DGKH: variants seen among roughly 807,000 people sequenced by gnomAD.
DGKH encodes the protein diacylglycerol kinase eta.
DGKH carries 90 observed loss-of-function variants against 159.3 expected under a neutral mutation model. The observed-to-expected ratio is 0.57, with a 90% CI of 0.48 to 0.67. The LOEUF is 0.67. DGKH is among the 30% of genes least tolerant of loss of function. The pLI, the probability that DGKH is intolerant of heterozygous loss-of-function variation, is 0.00. For synonymous variants in DGKH, 536 were observed against 553.8 expected (o/e 0.97, Z 0.45); for missense variants, 1,181 against 1,506.1 (o/e 0.78, Z 3.57).
Position 42,241,429 on chromosome 13 carries a change from C to T in DGKH, c.*12241C>T, listed in dbSNP as rs1408627107. On this transcript the variant is annotated 3_prime_UTR_variant, in exon 30 of 30. Coordinates refer to ENST00000337343, the MANE Select transcript of DGKH (RefSeq NM_178009.5). The stretch of plus-strand genomic sequence containing the variant: ...AGAGGTAATCCCATTTTTATGTCCA[C>T]AATTTTTACATTTTTGTATCAGCCA... 1 of 152,176 alleles carries T rather than the reference C, an allele frequency of 6.6e-6. No individual in the cohort carries two copies. Among genetic ancestry groups the T allele is most frequent in the Non-Finnish European group, 1.5e-5 (1 of 68,014 alleles). The allele number at this position is 152,176 out of a possible 1,614,324, so 9.4% of individuals were successfully genotyped here.
chr13:42,078,911 T>C (rs1022933765), intron 1 of DGKH, among the ~76,000 whole-genome samples: 10 of 125,012 alleles, frequency 8.0e-5, no homozygotes, highest in African/African-American at 3.5e-4. Flanking sequence ...ATATTCTCCT[T>C]TTTTTTTTTT....
At chr13:42,187,261 A>T in intron 14 of DGKH, 113 bp downstream of exon 14, 1 of 850,400 alleles carries the variant, frequency 1.2e-6, no homozygotes, top group Admixed American at 2.3e-5. Flanking sequence ...TCTTAAATCG[A>T]GAGAAAAATT....
chr13:42,233,729 T>C lies in DGKH; in HGVS notation c.*4541T>C, dbSNP rs1319571875. On this transcript the variant is annotated 3_prime_UTR_variant, in exon 30 of 30. Transcript: ENST00000337343. ...CCACCTCTAAGTCACTAACAATCCA[T>C]GTTTGTTCAGTTTGTTGACATGTGG... is the stretch of plus-strand genomic sequence containing the variant. 1 of 152,256 alleles carries C rather than the reference T, an allele frequency of 6.6e-6. No individual in the cohort carries two copies. Among genetic ancestry groups the C allele is most frequent in the Non-Finnish European group, 1.5e-5 (1 of 68,054 alleles). 9.4% of individuals were successfully genotyped at this position (152,256 alleles called of 1,614,324 possible).
downstream of DGKH, among the ~76,000 whole-genome samples, chr13:42,246,197 C>CATTTT (rs1403630768): frequency 6.6e-6 from 1 of 152,178 alleles, no homozygotes; most frequent in East Asian, 1.9e-4. Flanking sequence ...ACCACCAGTA[C>CATTTT]GTTCACAAAA....
intron 7 of DGKH, among the ~76,000 whole-genome samples, chr13:42,160,649 T>C (rs914345801): frequency 3.3e-5 from 5 of 152,274 alleles, no homozygotes; most frequent in African/African-American, 9.6e-5. Context: ...GGAGATCATG[T>C]AGACAGTGGC....
rs567598409 is a variant in DGKH, at chr13:42,219,937, C to G, written c.3442+143C>G. ...ATGATGAACATACTGTCATTGAATTCTATGCTTTAAAATGGTTAAAATGGG... is the reference window on the plus strand; with the variant it reads ...ATGATGAACATACTGTCATTGAATTGTATGCTTTAAAATGGTTAAAATGGG... On this transcript the variant is annotated intron_variant, in intron 28 of 29. Coordinates refer to ENST00000337343, the MANE Select transcript of DGKH (RefSeq NM_178009.5). 3.2e-5 allele frequency: 21 copies of G among 663,268 alleles called. No individual in the cohort carries two copies. In the East Asian group the frequency reaches 5.9e-4, roughly 19 times the overall value. The allele number at this position is 663,268 out of a possible 1,614,324, so 41.1% of individuals were successfully genotyped here.
intron 4 of DGKH, 130 bp downstream of exon 4, chr13:42,155,525 A>G (rs1301536098): frequency 6.5e-7 from 1 of 1,531,432 alleles, no homozygotes; most frequent in Non-Finnish European, 8.9e-7. Context: ...AGATTTTGAA[A>G]TTCTTATCTT....
chr13:42,197,788 A>G (rs1475944967), intron 17 of DGKH, among the ~76,000 whole-genome samples: 1 of 152,170 alleles, frequency 6.6e-6, no homozygotes, highest in Admixed American at 6.5e-5. Flanking sequence ...GGTTCCTATT[A>G]GTTTGTCTCC....
At chr13:42,159,109 A>G (rs1956111883) in intron 5 of DGKH, among the ~76,000 whole-genome samples, 157 bp from the exon 6 acceptor site, 1 of 152,162 alleles carries the variant, frequency 6.6e-6, no homozygotes, top group African/African-American at 2.4e-5. Flanking sequence ...GAATACCATT[A>G]CTATTGTTGC....
chr13:42,090,140 G>T (rs1954389094), intron 1 of DGKH, among the ~76,000 whole-genome samples: 1 of 152,116 alleles, frequency 6.6e-6, no homozygotes. Flanking sequence ...TGATTTTGTG[G>T]AGCAACAGTC....
chr13:42,170,389 G>A (rs1859271606), intron 11 of DGKH, among the ~76,000 whole-genome samples: 3 of 151,812 alleles, frequency 2.0e-5, no homozygotes, highest in African/African-American at 7.3e-5. Flanking sequence ...CTACAATCTG[G>A]GCGACAGAGT....
At chr13:42,041,854 C>A (rs1880528080) in intron 1 of DGKH, among the ~76,000 whole-genome samples, 1 of 152,216 alleles carries the variant, frequency 6.6e-6, no homozygotes, top group African/African-American at 2.4e-5. Context: ...CACCCATGTT[C>A]CGGTCAACGT....
At chr13:42,170,526 TCAAAACAAAA>T (rs1375088701) in intron 11 of DGKH, among the ~76,000 whole-genome samples, 1 of 151,930 alleles carries the variant, frequency 6.6e-6, no homozygotes, top group South Asian at 2.1e-4. Context: ...ATATGCAAAA[TCAAAACAAAA>T]CAAAAGAAAA....
At chr13:42,079,576 G>A (rs1009507588) in intron 1 of DGKH, among the ~76,000 whole-genome samples, 5 of 152,010 alleles carry the variant, frequency 3.3e-5, no homozygotes, top group African/African-American at 1.2e-4. Context: ...TGGTCAGTGG[G>A]TTTTTTTGCT....
At chr13:42,221,607 A>C (rs1169332394) in intron 29 of DGKH, among the ~76,000 whole-genome samples, 2 of 152,182 alleles carry the variant, frequency 1.3e-5, no homozygotes, top group Non-Finnish European at 2.9e-5. Context: ...ATTATAGCTA[A>C]AGCTTAGCAT....
In DGKH at chr13:42,174,107, T is replaced by C; in HGVS notation, c.1415T>C (p.Leu472Pro). Residue 472 changes from leucine (L) to proline (P), a missense_variant, in exon 12 of 30, where the codon CTA (leucine) becomes CCA (proline). Physicochemically the swap from Leu to Pro is moderately conservative, Grantham distance 98. Transcript: ENST00000337343. ...CTCAAATTGCCACCAAAAGCTTCCC[T>C]ACTTCCAGGACCTCCAGAAGCATCT... is the stretch of plus-strand genomic sequence containing the variant. Reference protein sequence around the residue: ...YELKLPPKASLLPGPPEASEE... With the variant: ...YELKLPPKASPLPGPPEASEE... 6.2e-7 allele frequency: 1 copy of C among 1,613,912 alleles called. No homozygotes were observed. Among genetic ancestry groups the C allele is most frequent in the Non-Finnish European group, 8.5e-7 (1 of 1,179,990 alleles).
At chr13:42,069,805 T>C (rs1050853501) in intron 1 of DGKH, 5 of 1,055,810 alleles carry the variant, frequency 4.7e-6, no homozygotes, top group African/African-American at 3.2e-5. Context: ...GTTTTCATGA[T>C]GATCTGGGTA....
At chr13:42,184,283 G>A (rs750151676) in intron 13 of DGKH, among the ~76,000 whole-genome samples, 14 of 152,080 alleles carry the variant, frequency 9.2e-5, no homozygotes, top group Non-Finnish European at 1.9e-4. Context: ...TTCTGTCTGG[G>A]TACCATTGCC....
chr13:42,050,727 C>T (rs944980181), intron 1 of DGKH, among the ~76,000 whole-genome samples: 3 of 151,844 alleles, frequency 2.0e-5, no homozygotes, highest in African/African-American at 4.8e-5. Flanking sequence ...TGGTGGCTCA[C>T]GCCTGTAATC....
Sources: gnomAD v4.1 joint callset for allele counts (sites outside exome capture counted in the v4.1 genomes callset) on GRCh38, gnomAD v4.1.1 for gene constraint, MANE v1.5 for transcripts, NCBI Gene and HGNC (gene_info 2026-07-23, HGNC 2026-07-21) for gene names.